SEMA5A: variants seen among roughly 807,000 people sequenced by gnomAD.
SEMA5A encodes the protein semaphorin 5A.
Under a neutral mutation model 135.5 loss-of-function variants are expected in SEMA5A, and 55 were observed. That is an observed-to-expected ratio of 0.41 (90% confidence interval 0.33 to 0.51). The LOEUF (loss-of-function observed/expected upper bound fraction) is 0.51, where lower values mean the gene tolerates loss of function less well. Among genes scored for constraint, SEMA5A ranks in the 20% least tolerant of loss-of-function variants. The pLI, the probability that SEMA5A is intolerant of heterozygous loss-of-function variation, is 0.37. For missense variants in SEMA5A, 1,290 were observed against 1,419.9 expected, an observed-to-expected ratio of 0.91 and a Z score of 1.47; for synonymous variants, 580 against 546.5, an observed-to-expected ratio of 1.06 and a Z score of -0.85.
chr5:9,195,282 C>T (rs998434383), intron 10 of SEMA5A, among the ~76,000 whole-genome samples: 2 of 152,194 alleles, frequency 1.3e-5, no homozygotes, highest in African/African-American at 4.8e-5. Flanking sequence ...TCCTCCATCT[C>T]AGACTCCCAA....
At position 9,271,394 on chromosome 5, in the gene SEMA5A, C is replaced by T. The variant is rs181593828; in HGVS notation, c.271-33504G>A. Among the ~76,000 whole-genome samples, 6 of 152,168 alleles carry T rather than the reference C, an allele frequency of 3.9e-5. No individual in the cohort carries two copies. The East Asian group carries it at 1.2e-3, about 29-fold the overall frequency. On this transcript the variant is annotated intron_variant, in intron 5 of 22. Coordinates refer to ENST00000382496, the MANE Select transcript of SEMA5A (RefSeq NM_003966.3). ...ATGAACTAATAAAGAAAATTGGTAA[C>T]AGGAGTGAGGTACGGCTATAAACAT... is the stretch of plus-strand genomic sequence containing the variant.
intron 5 of SEMA5A, among the ~76,000 whole-genome samples, chr5:9,299,580 C>T (rs769751958): frequency 1.3e-5 from 2 of 152,136 alleles, no homozygotes; most frequent in Non-Finnish European, 2.9e-5. Flanking sequence ...AAAATCTTCA[C>T]TAGTGACCCA....
At chr5:9,145,013 T>C (rs1742256413) in intron 12 of SEMA5A, among the ~76,000 whole-genome samples, 1 of 149,368 alleles carries the variant, frequency 6.7e-6, no homozygotes, top group Non-Finnish European at 1.5e-5. Context: ...AAAAGAGCAG[T>C]CTGTCATTTT....
intron 16 of SEMA5A, among the ~76,000 whole-genome samples, chr5:9,074,369 T>A (rs759840456): frequency 2.0e-4 from 30 of 152,144 alleles, no homozygotes; most frequent in Non-Finnish European, 3.5e-4. Flanking sequence ...TAGCCCAATA[T>A]CTAAAACCAA....
chr5:9,537,228 G>T (rs1477051827), intron 1 of SEMA5A, among the ~76,000 whole-genome samples: 4 of 152,138 alleles, frequency 2.6e-5, no homozygotes, highest in African/African-American at 9.7e-5. Flanking sequence ...GATTAAAGGA[G>T]ATTTTAAAAT....
chr5:9,213,345 G>C (rs1464305487), intron 8 of SEMA5A, among the ~76,000 whole-genome samples: 2 of 152,220 alleles, frequency 1.3e-5, no homozygotes, highest in African/African-American at 4.8e-5. Flanking sequence ...AAGACGTTAA[G>C]TCCTGGTCAT....
At chr5:9,201,880 T>G in intron 9 of SEMA5A, 75 bp downstream of exon 9, 2 of 1,410,770 alleles carry the variant, frequency 1.4e-6, no homozygotes, top group African/African-American at 1.4e-5. Context: ...ATTTAAAACC[T>G]CAGAGGTCAA....
intron 13 of SEMA5A, among the ~76,000 whole-genome samples, chr5:9,129,499 T>A (rs1741287874): frequency 6.6e-6 from 1 of 152,260 alleles, no homozygotes; most frequent in Non-Finnish European, 1.5e-5. Context: ...TGACCCTGAG[T>A]ATATTCGTGT....
At chr5:9,489,012 G>T (rs535053969) in intron 1 of SEMA5A, among the ~76,000 whole-genome samples, 13 of 152,298 alleles carry the variant, frequency 8.5e-5, no homozygotes, top group African/African-American at 3.1e-4. Flanking sequence ...CCTCCAGAGA[G>T]AAATCACTTA....
Position 9,154,662 on chromosome 5 carries a change from A to T in SEMA5A, c.1307T>A (p.Leu436Gln), listed in dbSNP as rs138503384. Residue 436 changes from leucine (L) to glutamine (Q), a missense_variant, in exon 12 of 23, where the codon CTG becomes CAG. Physicochemically the swap from Leu to Gln is moderately radical, Grantham distance 113 (BLOSUM62 -2). Around this residue, in one of 3 missense-constraint regions of SEMA5A, gnomAD observed 1,029 missense variants for 1,086.6 expected, o/e 0.95. Transcript: ENST00000382496. ...CAAACAGCTGCTTGAGGTCTGATTC[A>T]GGGGTACCCGCACTTTCTTAATGGT... ...YGTIKKVRVPLNQTSSSCLLE... is the reference protein window; with the variant it reads ...YGTIKKVRVPQNQTSSSCLLE... 4.4e-4 allele frequency: 703 copies of T among 1,614,066 alleles called. 1 individual carries two copies. Among genetic ancestry groups the T allele is most frequent in the Non-Finnish European group, 5.5e-4 (652 of 1,180,020 alleles).
intron 1 of SEMA5A, among the ~76,000 whole-genome samples, chr5:9,525,334 G>T (rs12188047): frequency 0.4 from 60,125 of 152,030 alleles, 12,148 homozygotes; most frequent in Non-Finnish European, 0.43. Context: ...AAAATGACTG[G>T]CAGCAACAGT....
intron 1 of SEMA5A, among the ~76,000 whole-genome samples, chr5:9,491,660 T>C (rs1413761780): frequency 1.3e-5 from 2 of 152,112 alleles, no homozygotes; most frequent in East Asian, 3.8e-4. Context: ...AGATCACCTT[T>C]AAATTACCAC....
chr5:9,400,183 A>G (rs1320336413), intron 2 of SEMA5A, among the ~76,000 whole-genome samples: 1 of 152,136 alleles, frequency 6.6e-6, no homozygotes, highest in Non-Finnish European at 1.5e-5. Context: ...AGTGAGGGAG[A>G]GCATTAAGAC....
intron 3 of SEMA5A, among the ~76,000 whole-genome samples, chr5:9,345,973 C>T (rs192798494): frequency 1.3e-5 from 2 of 152,038 alleles, no homozygotes; most frequent in East Asian, 1.9e-4. Context: ...TGGGAGGGTC[C>T]CTGGAGAAGA....
Position 9,399,602 on chromosome 5 carries a change from T to C in SEMA5A, c.-77-19579A>G, listed in dbSNP as rs182724262. ...TTATGAAAAATCTCAAAAGGGTAAA[T>C]TTTATGATATGTGATTTATATCTTA... is the stretch of plus-strand genomic sequence containing the variant. On this transcript the variant is annotated intron_variant, in intron 2 of 22. Coordinates refer to ENST00000382496, the MANE Select transcript of SEMA5A (RefSeq NM_003966.3). Among the ~76,000 whole-genome samples, 100 of 152,270 alleles carry C rather than the reference T, an allele frequency of 6.6e-4. 1 individual carries two copies. The highest frequency in any genetic ancestry group is 2.3e-3 in the African/African-American group (95 of 41,552).
rs1806008 is a variant in SEMA5A at position 9,237,200 on chromosome 5, C to A, written c.333+628G>T. ...TGCAGAAGAATTTCCTCAAGTTGATCATGAATAATTTTCTCAAAGACACAT... is the reference window on the plus strand; with the variant it reads ...TGCAGAAGAATTTCCTCAAGTTGATAATGAATAATTTTCTCAAAGACACAT... On this transcript the variant is annotated intron_variant, in intron 6 of 22. Coordinates refer to ENST00000382496, the MANE Select transcript of SEMA5A (RefSeq NM_003966.3). 2.6e-5 allele frequency among the ~76,000 whole-genome samples: 4 copies of A among 152,284 alleles called. No individual in the cohort carries two copies. In the South Asian group the frequency reaches 8.3e-4, roughly 32 times the overall value.
intron 1 of SEMA5A, among the ~76,000 whole-genome samples, chr5:9,500,345 T>G (rs947398887): frequency 6.6e-6 from 1 of 152,244 alleles, no homozygotes; most frequent in Non-Finnish European, 1.5e-5. Context: ...GAAGTGATAT[T>G]CTTTCCAAAT....
intron 4 of SEMA5A, among the ~76,000 whole-genome samples, chr5:9,321,796 A>G (rs2150676950): frequency 6.6e-6 from 1 of 152,326 alleles, no homozygotes; most frequent in African/African-American, 2.4e-5. Context: ...TAGTAAATGA[A>G]TTACCTAAGA....
rs374818527 is a variant in SEMA5A, at chr5:9,054,309, T to C, written c.2519-52A>G. ...CTTCTATAATCCAATCCCAACCAAG[T>C]GAAAGGAGTTACTAAATGGAAGCTA... On this transcript the variant is annotated intron_variant, in intron 18 of 22. Coordinates refer to ENST00000382496, the MANE Select transcript of SEMA5A (RefSeq NM_003966.3). 222 of 1,563,572 alleles carry C rather than the reference T, an allele frequency of 1.4e-4. No homozygotes were observed. The African/African-American group carries it at 2.7e-3, about 19-fold the overall frequency.
Sources: gnomAD v4.1 joint callset for allele counts (sites outside exome capture counted in the v4.1 genomes callset) on GRCh38, gnomAD v4.1.1 for gene constraint, gnomAD v4.1.1 regional missense constraint, MANE v1.5 for transcripts, NCBI Gene and HGNC (gene_info 2026-07-23, HGNC 2026-07-21) for gene names.